Variants in HERC4 observed in about 807,000 individuals in gnomAD.
The protein encoded by HERC4 is HECT and RLD domain containing E3 ubiquitin protein ligase 4.
HERC4 carries 28 observed loss-of-function variants against 124.3 expected under a neutral mutation model. That is an observed-to-expected ratio of 0.23 (90% CI 0.17 to 0.31). HERC4 has a LOEUF of 0.31. HERC4 is among the 10% of genes least tolerant of loss of function. The pLI, the probability that HERC4 is intolerant of heterozygous loss-of-function variation, is 1.00. For synonymous variants in HERC4, 407 were observed against 421.5 expected (o/e 0.97, Z 0.42); for missense variants, 713 against 1,229.3 (o/e 0.58, Z 6.28).
intron 3 of HERC4, among the ~76,000 whole-genome samples, chr10:68,057,325 G>A (rs547536121): frequency 6.6e-6 from 1 of 152,160 alleles, no homozygotes; most frequent in African/African-American, 2.4e-5. Flanking sequence ...TTTGGGAAGG[G>A]CAGGGCTGGT....
At chr10:68,062,147 C>T (rs866188162) in intron 3 of HERC4, among the ~76,000 whole-genome samples, 3 of 152,102 alleles carry the variant, frequency 2.0e-5, no homozygotes, top group Middle Eastern at 3.2e-3. Flanking sequence ...ACACTTCACA[C>T]ATTTAGCCCT....
At chr10:68,062,422 C>CT in intron 3 of HERC4, among the ~76,000 whole-genome samples, 1 of 151,796 alleles carries the variant, frequency 6.6e-6, no homozygotes, top group East Asian at 2.0e-4. Flanking sequence ...TTCTGCCTCT[C>CT]TAAGTCTCCA....
chr10:68,006,434 C>A (rs1183671301), intron 9 of HERC4, among the ~76,000 whole-genome samples: 1 of 149,298 alleles, frequency 6.7e-6, no homozygotes, highest in Non-Finnish European at 1.5e-5. Flanking sequence ...TGCAATGGTG[C>A]GATCTCAGCT....
chr10:68,033,933 G>A, intron 6 of HERC4, 32 bp downstream of exon 6: 2 of 1,561,240 alleles, frequency 1.3e-6, no homozygotes, highest in Non-Finnish European at 1.8e-6. Flanking sequence ...CTTTCAAAAA[G>A]TACACTTAAA....
intron 8 of HERC4, 77 bp downstream of exon 8, chr10:68,025,469 C>A: frequency 1.4e-6 from 2 of 1,450,276 alleles, no homozygotes; most frequent in African/African-American, 1.4e-5. Context: ...TTATTAGGAT[C>A]TCTGAAACAA....
At chr10:67,930,097 C>T (rs534967801) in intron 23 of HERC4, among the ~76,000 whole-genome samples, 104 of 152,306 alleles carry the variant, frequency 6.8e-4, no homozygotes, top group Non-Finnish European at 1.1e-3. Context: ...TGAGCCACCG[C>T]GCCCGGCCCA....
At chr10:68,005,407 A>G (rs1351505027) in intron 9 of HERC4, among the ~76,000 whole-genome samples, 2 of 151,258 alleles carry the variant, frequency 1.3e-5, no homozygotes, top group Admixed American at 6.6e-5. Context: ...CCATCCCTTT[A>G]TTTTCAGTGT....
At chr10:67,983,085 AAAAAACAAAAC>A in intron 15 of HERC4, among the ~76,000 whole-genome samples, 1 of 151,952 alleles carries the variant, frequency 6.6e-6, no homozygotes, top group Admixed American at 6.6e-5. Context: ...CAAAAAAAAA[AAAAAACAAAAC>A]AAAAACAAAC....
intron 23 of HERC4, among the ~76,000 whole-genome samples, chr10:67,927,399 TATATATATATATATATA>T (rs2031140601): frequency 1.3e-4 from 1 of 7,816 alleles, no homozygotes; most frequent in African/African-American, 3.9e-4. Context: ...TATATATATA[TATATATATATATATATA>T]TATATATATA....
chr10:68,036,127 A>C (rs2039450941), intron 5 of HERC4, among the ~76,000 whole-genome samples: 1 of 151,904 alleles, frequency 6.6e-6, no homozygotes, highest in African/African-American at 2.4e-5. Context: ...ATCCTGGCTA[A>C]CACAGTGAAA....
At chr10:67,997,237 CTATAA>C (rs1293196585) in intron 9 of HERC4, among the ~76,000 whole-genome samples, 1 of 152,100 alleles carries the variant, frequency 6.6e-6, no homozygotes, top group African/African-American at 2.4e-5. Flanking sequence ...TGATAAATAC[CTATAA>C]TATAAAATGC....
chr10:68,025,945 A>G (rs1230447208), intron 7 of HERC4, among the ~76,000 whole-genome samples: 2 of 152,208 alleles, frequency 1.3e-5, no homozygotes, highest in Non-Finnish European at 2.9e-5. Flanking sequence ...CATTATCATT[A>G]TACTGTCTTG....
At chr10:67,929,810 C>T (rs897867114) in intron 23 of HERC4, among the ~76,000 whole-genome samples, 2 of 143,978 alleles carry the variant, frequency 1.4e-5, no homozygotes, top group Non-Finnish European at 3.0e-5. Flanking sequence ...ACACCACACC[C>T]AGCTGTGCAT....
At chr10:68,022,501 A>AAATT (rs1474193547) in intron 8 of HERC4, among the ~76,000 whole-genome samples, 1 of 60,046 alleles carries the variant, frequency 1.7e-5, no homozygotes, top group East Asian at 5.7e-3. Context: ...CTCCATCTCA[A>AAATT]AATAAATAAA....
intron 24 of HERC4, among the ~76,000 whole-genome samples, chr10:67,923,425 T>C (rs753668393): frequency 6.6e-6 from 1 of 152,186 alleles, no homozygotes. Flanking sequence ...TTGAGAGCCC[T>C]TTTTTGGAAA....
chr10:67,988,690 T>C lies in HERC4; in HGVS notation c.1779A>G (p.Ala593=), dbSNP rs745974295. Residue 593 remains alanine, a synonymous_variant, in exon 15 of 25, where the codon GCA becomes GCG. Transcript: ENST00000373700. Reference sequence around the variant, plus strand: ...TATGTAGTATTTCTAAAACCTTTAATGCAGTATGAAGAAAACTGTTGAAAA... The same window carrying C: ...TATGTAGTATTTCTAAAACCTTTAACGCAGTATGAAGAAAACTGTTGAAAA... ...RRIFNSFLHT[A]LKVLEILHRV... is the part of the protein sequence containing the mutation. 1.3e-5 allele frequency: 21 copies of C among 1,589,352 alleles called. No individual in the cohort carries two copies. The highest frequency in any genetic ancestry group is 1.9e-5 in the Admixed American group (1 of 53,604).
intron 17 of HERC4, 73 bp from the exon 18 acceptor site, chr10:67,955,203 C>G: frequency 1.5e-6 from 2 of 1,308,456 alleles, no homozygotes; most frequent in Non-Finnish European, 2.1e-6. Context: ...AAGCTAACCT[C>G]TACCTATTAG....
At chr10:68,024,917 T>C (rs2133262621) in intron 8 of HERC4, among the ~76,000 whole-genome samples, 1 of 152,310 alleles carries the variant, frequency 6.6e-6, no homozygotes, top group African/African-American at 2.4e-5. Flanking sequence ...GAACTCAGAA[T>C]AAGGAGAATT....
chr10:67,967,608 T>A (rs1381034608), intron 15 of HERC4, among the ~76,000 whole-genome samples: 1 of 152,176 alleles, frequency 6.6e-6, no homozygotes, highest in Non-Finnish European at 1.5e-5. Flanking sequence ...AACAAATCTT[T>A]ACAGTGGAGA....
Sources: gnomAD v4.1 joint callset for allele counts (sites outside exome capture counted in the v4.1 genomes callset) on GRCh38, gnomAD v4.1.1 for gene constraint, MANE v1.5 for transcripts, NCBI Gene and HGNC (gene_info 2026-07-23, HGNC 2026-07-21) for gene names.